BICRAL: variants seen among roughly 807,000 people sequenced by gnomAD.
The protein encoded by BICRAL is BRD4-interacting chromatin-remodeling complex-associated protein-like.
A neutral mutation model predicts 91.8 loss-of-function variants in BICRAL; 8 were observed. The ratio of observed to expected loss-of-function variants is 0.09; its 90% CI spans 0.05 to 0.16. The LOEUF (loss-of-function observed/expected upper bound fraction) is 0.16. Ranked by LOEUF, BICRAL falls within the 10% of genes least tolerant of loss-of-function variation. The pLI, the probability that BICRAL is intolerant of heterozygous loss-of-function variation, is 1.00. For missense variants in BICRAL, 1,038 were observed against 1,310.9 expected (o/e 0.79, Z 3.21); for synonymous variants, 445 against 491.1 (o/e 0.91, Z 1.24).
At chr6:42,846,391 T>TAAA (rs1765012213) in intron 6 of BICRAL, among the ~76,000 whole-genome samples, 12 of 150,868 alleles carry the variant, frequency 8.0e-5, no homozygotes, top group African/African-American at 2.9e-4. Context: ...AAACAATAAG[T>TAAA]TAAATAAATA....
At chr6:42,797,927 T>C (rs564417882) in intron 1 of BICRAL, among the ~76,000 whole-genome samples, 1 of 152,206 alleles carries the variant, frequency 6.6e-6, no homozygotes, top group South Asian at 2.1e-4. Flanking sequence ...AGTGAGCCAC[T>C]ATTGCATCAC....
chr6:42,813,843 A>G (rs1419981805), intron 2 of BICRAL, among the ~76,000 whole-genome samples: 1 of 152,128 alleles, frequency 6.6e-6, no homozygotes, highest in East Asian at 1.9e-4. Context: ...AGATATATCA[A>G]AACTGAAAGA....
intron 1 of BICRAL, among the ~76,000 whole-genome samples, chr6:42,754,023 C>G (rs1019615019): frequency 1.4e-5 from 2 of 143,820 alleles, no homozygotes; most frequent in African/African-American, 5.2e-5. Flanking sequence ...TGAGCCACTA[C>G]ACTTCATGGG....
chr6:42,850,014 G>A (rs1342680886), intron 6 of BICRAL, among the ~76,000 whole-genome samples: 2 of 151,832 alleles, frequency 1.3e-5, no homozygotes, highest in Non-Finnish European at 2.9e-5. Flanking sequence ...TCCAGCTTGG[G>A]TGACAGAGTG....
rs145013158 is a variant in BICRAL, at chr6:42,828,001, G to C, written c.160-492G>C. ...TCTCTATAAAATAATTTATCAGCAT[G>C]ATGGATGCATATACTTATAATGTCA... is the stretch of plus-strand genomic sequence containing the variant. On this transcript the variant is annotated intron_variant, in intron 5 of 12. Coordinates refer to ENST00000314073, the MANE Select transcript of BICRAL (RefSeq NM_001393499.1). Among the ~76,000 whole-genome samples, 637 of 152,292 alleles carry C rather than the reference G, an allele frequency of 4.2e-3. 2 individuals carry two copies. The highest frequency in any genetic ancestry group is 0.015 in the African/African-American group (611 of 41,558).
chr6:42,776,044 CAG>C (rs1392947678), intron 1 of BICRAL, among the ~76,000 whole-genome samples: 1 of 152,082 alleles, frequency 6.6e-6, no homozygotes, highest in Non-Finnish European at 1.5e-5. Flanking sequence ...TATTTTGAGT[CAG>C]AGTCTTTCTC....
chr6:42,779,812 G>A (rs973287632), upstream of BICRAL, among the ~76,000 whole-genome samples: 2 of 152,052 alleles, frequency 1.3e-5, no homozygotes, highest in Non-Finnish European at 2.9e-5. Context: ...GTAGAGACGG[G>A]GTTTCACCAT....
intron 1 of BICRAL, among the ~76,000 whole-genome samples, chr6:42,790,064 T>C (rs1057265941): frequency 1.3e-5 from 2 of 152,158 alleles, no homozygotes; most frequent in African/African-American, 4.8e-5. Flanking sequence ...ATTGAATGTG[T>C]GGCGGCTTAT....
At chr6:42,846,446 T>G (rs1765015626) in intron 6 of BICRAL, among the ~76,000 whole-genome samples, 1 of 152,152 alleles carries the variant, frequency 6.6e-6, no homozygotes, top group Admixed American at 6.6e-5. Context: ...AACCCCACAT[T>G]AGATTTCTGA....
intron 5 of BICRAL, 78 bp from the exon 6 acceptor site, chr6:42,828,415 A>G: frequency 1.2e-5 from 16 of 1,319,230 alleles, no homozygotes; most frequent in Non-Finnish European, 1.6e-5. Flanking sequence ...AAAAAAAAAA[A>G]AGTAAAAGTA....
chr6:42,793,161 T>TTTTTTTTTTTTG (rs1763324151), intron 1 of BICRAL, among the ~76,000 whole-genome samples: 1 of 102,772 alleles, frequency 9.7e-6, no homozygotes, highest in Non-Finnish European at 1.9e-5. Context: ...TTTTTTTTTT[T>TTTTTTTTTTTTG]GAGACAGAGT....
intron 2 of BICRAL, among the ~76,000 whole-genome samples, chr6:42,813,391 C>A (rs1763892252): frequency 6.6e-6 from 1 of 152,014 alleles, no homozygotes; most frequent in African/African-American, 2.4e-5. Context: ...TGATGGCAGA[C>A]TTTTCTTTGG....
At chr6:42,755,954 G>A (rs1197010913) in intron 1 of BICRAL, among the ~76,000 whole-genome samples, 3 of 151,908 alleles carry the variant, frequency 2.0e-5, no homozygotes, top group Non-Finnish European at 4.4e-5. Flanking sequence ...GATTACAGGC[G>A]TGAGCCACCG....
At chr6:42,848,742 G>A (rs1765094314) in intron 6 of BICRAL, among the ~76,000 whole-genome samples, 1 of 152,182 alleles carries the variant, frequency 6.6e-6, no homozygotes, top group Non-Finnish European at 1.5e-5. Context: ...TACTCGGGCT[G>A]AGGTGGGAGG....
intron 2 of BICRAL, among the ~76,000 whole-genome samples, chr6:42,813,361 GAAAA>G (rs34838635): frequency 6.6e-6 from 1 of 151,838 alleles, no homozygotes; most frequent in Non-Finnish European, 1.5e-5. Context: ...GACACATTAT[GAAAA>G]AAAGAAAGGT....
chr6:42,804,720 T>G (rs1284593250), intron 1 of BICRAL, among the ~76,000 whole-genome samples: 4 of 152,194 alleles, frequency 2.6e-5, no homozygotes, highest in Admixed American at 2.0e-4. Context: ...GGCTAGCTAG[T>G]GCCTATTGTA....
intron 7 of BICRAL, among the ~76,000 whole-genome samples, chr6:42,853,337 G>A (rs1765253906): frequency 6.6e-6 from 1 of 151,996 alleles, no homozygotes; most frequent in African/African-American, 2.4e-5. Flanking sequence ...ATTCTGTAGT[G>A]CTGACAGATT....
At chr6:42,862,716 A>AG (rs1732530820) in intron 12 of BICRAL, 104 bp downstream of exon 12, 1 of 748,206 alleles carries the variant, frequency 1.3e-6, no homozygotes, top group African/African-American at 1.7e-5. Flanking sequence ...ACTTGAAGGT[A>AG]GAACGTGAAT....
At chr6:42,797,577 G>A (rs186670080) in intron 1 of BICRAL, among the ~76,000 whole-genome samples, 11 of 152,194 alleles carry the variant, frequency 7.2e-5, no homozygotes, top group African/African-American at 1.4e-4. Flanking sequence ...GAGGACTTAC[G>A]TTTCAGAGGG....
Sources: gnomAD v4.1 joint callset for allele counts (sites outside exome capture counted in the v4.1 genomes callset) on GRCh38, gnomAD v4.1.1 for gene constraint, MANE v1.5 for transcripts, NCBI Gene and HGNC (gene_info 2026-07-23, HGNC 2026-07-21) for gene names.